ZNF662: variants seen among roughly 807,000 people sequenced by gnomAD.
The protein encoded by ZNF662 is zinc finger protein 662.
A neutral mutation model predicts 12.4 loss-of-function variants in ZNF662; 14 were observed. The observed-to-expected ratio is 1.13, with a 90% CI of 0.75 to 1.77. The LOEUF (loss-of-function observed/expected upper bound fraction) is 1.77, where lower values mean the gene tolerates loss of function less well. Among genes scored for constraint, ZNF662 ranks in the 40% most tolerant of loss-of-function variants. The pLI is 0.00. For missense variants in ZNF662, 550 were observed against 515.6 expected (o/e 1.07, Z -0.65); for synonymous variants, 184 against 176.4 (o/e 1.04, Z -0.34).
chr3:42,906,179 C>CG lies in ZNF662; in HGVS notation c.-94+15dup. Reference sequence around the variant, plus strand: ...GCTGGGGCCTGGCGGGTGTGGAGCACGGGGAGTCGGGCGTGGGGCGGGCAG... The same window carrying CG: ...GCTGGGGCCTGGCGGGTGTGGAGCACGGGGGAGTCGGGCGTGGGGCGGGCAG... On this transcript the variant is annotated intron_variant, in intron 1 of 4. Transcript: ENST00000440367. The surrounding 1 kb of genome is among the most constrained non-coding windows in gnomAD (Gnocchi z 4.4). 1 of 584,588 alleles carries CG rather than the reference C, an allele frequency of 1.7e-6. No individual in the cohort carries two copies. The highest frequency in any genetic ancestry group is 4.6e-4 in the Middle Eastern group (1 of 2,186). The allele number at this position is 584,588 out of a possible 1,614,324, so 36.2% of individuals were successfully genotyped here. A position where few individuals can be genotyped will look rare whatever the true frequency, so the allele number is the denominator to read the frequency against.
chr3:42,912,720 A>ATTTTTTATATATAAATATATATATAT (rs2088841529), intron 3 of ZNF662, among the ~76,000 whole-genome samples: 1 of 66,424 alleles, frequency 1.5e-5, no homozygotes, highest in Non-Finnish European at 2.8e-5. Flanking sequence ...ATATATATAT[A>ATTTTTTATATATAAATATATATATAT]TTTTTTATAT....
At chr3:42,912,689 A>ATTTTTT (rs2088834609) in intron 3 of ZNF662, among the ~76,000 whole-genome samples, 1 of 19,352 alleles carries the variant, frequency 5.2e-5, no homozygotes, top group African/African-American at 1.1e-4. Flanking sequence ...ATAAATATAT[A>ATTTTTT]TATATTTTAT....
rs2088924279 is a variant in ZNF662 at position 42,919,146 on chromosome 3, G to A, written c.*3792G>A. 1.3e-5 allele frequency among the ~76,000 whole-genome samples: 2 copies of A among 152,164 alleles called. No individual in the cohort carries two copies. The highest frequency in any genetic ancestry group is 4.8e-5 in the African/African-American group (2 of 41,440). ...TGCTTCTGAGCTGCAGCCAGAGATT[G>A]CTGGTTGGTTCACAGGAATAAGCAG... On this transcript the variant is annotated 3_prime_UTR_variant, in exon 5 of 5. Transcript: ENST00000440367.
chr3:42,906,384 C>T lies in ZNF662; in HGVS notation c.-94+216C>T. The stretch of plus-strand genomic sequence containing the variant: ...CCGTGGCGCTGGCGAGCGGGACACG[C>T]CTCGGCCTTGTCCTCGAGCTGCTCC... On this transcript the variant is annotated intron_variant, in intron 1 of 4. Coordinates refer to ENST00000440367, the MANE Select transcript of ZNF662 (RefSeq NM_207404.4). The surrounding 1 kb of genome is among the most constrained non-coding windows in gnomAD (Gnocchi z 4.4). 6.6e-7 allele frequency: 1 copy of T among 1,523,406 alleles called. No individual in the cohort carries two copies. Among genetic ancestry groups the T allele is most frequent in the Non-Finnish European group, 8.8e-7 (1 of 1,140,474 alleles). 94.4% of individuals were successfully genotyped at this position (1,523,406 alleles called of 1,614,324 possible).
In ZNF662 at chr3:42,915,156, A is replaced by G. The variant is rs1205233311; in HGVS notation, c.1083A>G (p.Glu361=). 4 of 1,614,154 alleles carry G rather than the reference A, an allele frequency of 2.5e-6. No individual in the cohort carries two copies. Among genetic ancestry groups the G allele is most frequent in the Non-Finnish European group, 3.4e-6 (4 of 1,180,020 alleles). ...QRVHTGDKPH[E]CTDCGKSFFC... is the part of the protein sequence containing the mutation. ...TCCACACTGGGGACAAGCCTCATGA[A>G]TGTACTGACTGTGGGAAAAGCTTCT... Residue 361 remains glutamate, a synonymous_variant, in exon 5 of 5, where the codon GAA becomes GAG. Coordinates refer to ENST00000440367, the MANE Select transcript of ZNF662 (RefSeq NM_207404.4).
rs1257518753 is a variant in ZNF662, at chr3:42,914,410, A to C, written c.337A>C (p.Ser113Arg). ...EEAQDLMVLS[S>R]GPQWCGSQEL... ...AGCACAGGACCTCATGGTCCTATCA[A>C]GTGGACCCCAGTGGTGTGGATCCCA... Residue 113 changes from serine to arginine, a missense_variant, in exon 5 of 5, where the codon AGT becomes CGT. By Grantham distance (110) the Ser-to-Arg change is moderately radical (BLOSUM62 -1). Coordinates refer to ENST00000440367, the MANE Select transcript of ZNF662 (RefSeq NM_207404.4). 3 of 1,613,922 alleles carry C rather than the reference A, an allele frequency of 1.9e-6. No homozygotes were observed. The highest frequency in any genetic ancestry group is 3.3e-5 in the Admixed American group (2 of 59,972).
chr3:42,908,708 C>T, intron 2 of ZNF662, 85 bp from the exon 3 acceptor site: 1 of 1,503,288 alleles, frequency 6.7e-7, no homozygotes, highest in Non-Finnish European at 9.1e-7. Flanking sequence ...CCCCTCCTAC[C>T]CCTGAAGACA....
rs1276092763 is a variant in ZNF662 at position 42,914,443 on chromosome 3, T to C, written c.370T>C (p.Trp124Arg). 36 of 1,613,690 alleles carry C rather than the reference T, an allele frequency of 2.2e-5. No homozygotes were observed. Among genetic ancestry groups the C allele is most frequent in the East Asian group, 4.5e-5 (2 of 44,874 alleles). ...CCAGTGGTGTGGATCCCAGGAATTA[T>C]GGTTTGGGAAAACCTGTGAAGAGAA... ...GPQWCGSQEL[W>R]FGKTCEEKSR... Residue 124 changes from tryptophan (W) to arginine (R), a missense_variant, in exon 5 of 5, where the codon TGG (tryptophan) becomes CGG (arginine). Physicochemically the swap from Trp to Arg is moderately radical, Grantham distance 101. Coordinates refer to ENST00000440367, the MANE Select transcript of ZNF662 (RefSeq NM_207404.4).
Position 42,917,326 on chromosome 3 carries a change from C to A in ZNF662, c.*1972C>A, listed in dbSNP as rs145469087. The A allele has an allele frequency of 2.2e-5, 13 of 598,098 alleles. No individual in the cohort carries two copies. The South Asian group carries it at 2.8e-4, about 13-fold the overall frequency. The allele number at this position is 598,098 out of a possible 1,614,324, so 37.0% of individuals were successfully genotyped here. A position where few individuals can be genotyped will look rare whatever the true frequency, so the allele number is the denominator to read the frequency against. ...ATTGTGATATGAGGAGATACTGGCT[C>A]TTCTGGAAAAGAGAGGCTTTTCTTC... On this transcript the variant is annotated 3_prime_UTR_variant, in exon 5 of 5. Coordinates refer to ENST00000440367, the MANE Select transcript of ZNF662 (RefSeq NM_207404.4).
chr3:42,910,090 T>C (rs1324475775), intron 3 of ZNF662, among the ~76,000 whole-genome samples: 1 of 152,162 alleles, frequency 6.6e-6, no homozygotes, highest in Non-Finnish European at 1.5e-5. Context: ...CGAGACTCTG[T>C]CTGCAATCCT....
Position 42,915,291 on chromosome 3 carries a change from C to A in ZNF662, c.1218C>A (p.His406Gln). The A allele has an allele frequency of 6.2e-7, 1 of 1,611,272 alleles. No individual in the cohort carries two copies. Among genetic ancestry groups the A allele is most frequent in the Non-Finnish European group, 8.5e-7 (1 of 1,178,698 alleles). Residue 406 changes from histidine (H) to glutamine (Q), a missense_variant, in exon 5 of 5, where the codon CAC (histidine) becomes CAA (glutamine). Transcript: ENST00000440367. The stretch of plus-strand genomic sequence containing the variant: ...GTCAGAATTCTGTCTTAATTAAGCA[C>A]CAGAGGCGCCATGCTAGAGACAAAC... ...AFSQNSVLIK[H>Q]QRRHARDKPY...
rs1297214280 is a variant in ZNF662 at position 42,918,158 on chromosome 3, A to T, written c.*2804A>T. 6.6e-6 allele frequency among the ~76,000 whole-genome samples: 1 copy of T among 152,246 alleles called. No homozygotes were observed. Among genetic ancestry groups the T allele is most frequent in the African/African-American group, 2.4e-5 (1 of 41,466 alleles). On this transcript the variant is annotated 3_prime_UTR_variant, in exon 5 of 5. Coordinates refer to ENST00000440367, the MANE Select transcript of ZNF662 (RefSeq NM_207404.4). ...GCTCTCATGACCTAAGGTTAATTTC[A>T]TGCATACTACTAAGTGATGCTTTAA...
Position 42,914,910 on chromosome 3 carries a change from G to A in ZNF662, c.837G>A (p.Lys279=). ...CTGGAGAGAAACCCTTTGAATGTAA[G>A]GAATGTGGGAAGGGCTTTAGTCAGA... is the stretch of plus-strand genomic sequence containing the variant. ...IHTGEKPFEC[K]ECGKGFSQNT... Residue 279 remains lysine, a synonymous_variant, in exon 5 of 5, where the codon AAG becomes AAA. Coordinates refer to ENST00000440367, the MANE Select transcript of ZNF662 (RefSeq NM_207404.4). 1 of 1,614,218 alleles carries A rather than the reference G, an allele frequency of 6.2e-7. No individual in the cohort carries two copies. Among genetic ancestry groups the A allele is most frequent in the Non-Finnish European group, 8.5e-7 (1 of 1,180,042 alleles).
chr3:42,915,126 G>C lies in ZNF662; in HGVS notation c.1053G>C (p.Gln351His). 6.2e-7 allele frequency: 1 copy of C among 1,614,218 alleles called. No individual in the cohort carries two copies. Among genetic ancestry groups the C allele is most frequent in the Non-Finnish European group, 8.5e-7 (1 of 1,180,050 alleles). The stretch of plus-strand genomic sequence containing the variant: ...GGAACTCAGATCTTTCTCAGCACCA[G>C]AGGGTCCACACTGGGGACAAGCCTC... The part of the protein sequence containing the change: ...FMWNSDLSQH[Q>H]RVHTGDKPHE... Residue 351 changes from glutamine to histidine, a missense_variant, in exon 5 of 5, where the codon CAG becomes CAC. Physicochemically the swap from Gln to His is conservative, Grantham distance 24. Transcript: ENST00000440367.
chr3:42,913,343 C>G lies in ZNF662; in HGVS notation c.253+41C>G, dbSNP rs1425295944. ...ATGAGCATTCTTCTCTCAGTCACAT[C>G]TTTTCCTATCTTTCTTTTATAAGAT... On this transcript the variant is annotated intron_variant, in intron 4 of 4. Transcript: ENST00000440367. The G allele has an allele frequency of 3.4e-6, 5 of 1,471,732 alleles. No individual in the cohort carries two copies. In the African/African-American group the frequency reaches 6.9e-5, roughly 20 times the overall value. The allele number at this position is 1,471,732 out of a possible 1,614,324, so 91.2% of individuals were successfully genotyped here.
At position 42,917,201 on chromosome 3, in the gene ZNF662, C is replaced by A; in HGVS notation, c.*1847C>A. 1 of 353,770 alleles carries A rather than the reference C, an allele frequency of 2.8e-6. No homozygotes were observed. Among genetic ancestry groups the A allele is most frequent in the Non-Finnish European group, 5.0e-6 (1 of 199,216 alleles). The allele number at this position is 353,770 out of a possible 1,614,324, so 21.9% of individuals were successfully genotyped here. ...ACCCGGGTATTCTTTGGGAAGCTAT[C>A]CTTTCTCAGCTATGTGGTTTGGCAC... On this transcript the variant is annotated 3_prime_UTR_variant, in exon 5 of 5. Transcript: ENST00000440367.
At position 42,917,465 on chromosome 3, in the gene ZNF662, T is replaced by C. The variant is rs1276778372; in HGVS notation, c.*2111T>C. On this transcript the variant is annotated 3_prime_UTR_variant, in exon 5 of 5. Transcript: ENST00000440367. ...TGTTAAAAGGGGAGATTCTCAAGCT[T>C]CCAGGTGCTACCATATGGAGCCTAA... 7 of 686,644 alleles carry C rather than the reference T, an allele frequency of 1.0e-5. No individual in the cohort carries two copies. The highest frequency in any genetic ancestry group is 1.6e-5 in the Non-Finnish European group (6 of 381,080). 42.5% of individuals were successfully genotyped at this position (686,644 alleles called of 1,614,324 possible). A position where few individuals can be genotyped will look rare whatever the true frequency, so the allele number is the denominator to read the frequency against.
chr3:42,913,332 C>G (rs1271865079), intron 4 of ZNF662, 30 bp downstream of exon 4: 2 of 1,527,510 alleles, frequency 1.3e-6, no homozygotes, highest in East Asian at 2.2e-5. Context: ...GCATTCTTCT[C>G]TCAGTCACAT....
At chr3:42,913,370 TA>T in intron 4 of ZNF662, 68 bp downstream of exon 4, 1 of 1,333,858 alleles carries the variant, frequency 7.5e-7, no homozygotes, top group Non-Finnish European at 1.1e-6. Context: ...TTATAAGATG[TA>T]AAAGTCCATT....
Sources: allele counts gnomAD v4.1 joint callset (sites outside exome capture counted in the v4.1 genomes callset), GRCh38; gene constraint gnomAD v4.1.1; non-coding constraint Gnocchi (gnomAD v3.1); transcripts MANE v1.5; gene names NCBI Gene and HGNC (gene_info 2026-07-23, HGNC 2026-07-21).